NTM: variants seen among roughly 807,000 people sequenced by gnomAD.
NTM encodes neurotrimin, also known as IgLON family member 2.
NTM carries 13 observed loss-of-function variants against 42.1 expected under a neutral mutation model. The observed-to-expected ratio is 0.31, with a 90% CI of 0.20 to 0.49. NTM has a LOEUF of 0.49. NTM is among the 20% of genes least tolerant of loss of function. The pLI is 0.99. For synonymous variants in NTM, 187 were observed against 179.2 expected (o/e 1.04, Z -0.35); for missense variants, 373 against 452.8 (o/e 0.82, Z 1.60).
At chr11:132,174,992 C>T (rs1236021080) in intron 3 of NTM, among the ~76,000 whole-genome samples, 1 of 152,000 alleles carries the variant, frequency 6.6e-6, no homozygotes, top group African/African-American at 2.4e-5. Context: ...CTGTTCTGAA[C>T]CAGGGAACCC....
At chr11:131,597,022 G>C (rs1233392546) in intron 1 of NTM, among the ~76,000 whole-genome samples, 2 of 152,094 alleles carry the variant, frequency 1.3e-5, no homozygotes, top group Admixed American at 6.5e-5. Context: ...TTTCCTGCCT[G>C]CTTGTATTCT....
chr11:131,465,791 G>A (rs1170873733), intron 1 of NTM, among the ~76,000 whole-genome samples: 1 of 149,624 alleles, frequency 6.7e-6, no homozygotes, highest in Non-Finnish European at 1.5e-5. Flanking sequence ...GCTCGGTTCT[G>A]CAGGGCCATG....
chr11:131,907,445 T>A (rs1592734331), intron 1 of NTM, among the ~76,000 whole-genome samples: 1 of 152,342 alleles, frequency 6.6e-6, no homozygotes, highest in Non-Finnish European at 1.5e-5. Context: ...AGTCCCAGGA[T>A]TATTAAAGGG....
chr11:131,474,699 T>A (rs978850818), intron 1 of NTM, among the ~76,000 whole-genome samples: 12 of 152,162 alleles, frequency 7.9e-5, no homozygotes, highest in Admixed American at 3.9e-4. Flanking sequence ...GTCTTGAAAT[T>A]TTTATTTCAA....
intron 1 of NTM, among the ~76,000 whole-genome samples, chr11:131,628,619 T>C (rs2063352087): frequency 6.6e-6 from 1 of 152,166 alleles, no homozygotes. Flanking sequence ...TCTCTCATCC[T>C]CACTCCCAGT....
intron 1 of NTM, among the ~76,000 whole-genome samples, chr11:131,577,169 C>G (rs957420870): frequency 5.9e-5 from 9 of 152,130 alleles, no homozygotes; most frequent in Admixed American, 5.9e-4. Flanking sequence ...AATTGCATTT[C>G]CCTCATTAAC....
In NTM at chr11:132,142,637, A is replaced by G. The variant is rs76585324; in HGVS notation, c.168-3645A>G. On this transcript the variant is annotated intron_variant, in intron 2 of 8. Transcript: ENST00000683400. ...GTGATCCATCTCTGCAGAAGCCGGC[A>G]TTCATTCCGTGGGGATTCAGCAAGA... is the stretch of plus-strand genomic sequence containing the variant. Among the ~76,000 whole-genome samples, 709 of 152,290 alleles carry G rather than the reference A, an allele frequency of 4.7e-3. 8 individuals carry two copies. Among genetic ancestry groups the G allele is most frequent in the African/African-American group, 0.016 (681 of 41,556 alleles).
chr11:131,872,367 G>A (rs58646853), intron 1 of NTM, among the ~76,000 whole-genome samples: 5,817 of 152,244 alleles, frequency 0.038, 350 homozygotes, highest in African/African-American at 0.13. Flanking sequence ...ACTTAGATTC[G>A]TCGATTTCTC....
At chr11:131,405,401 G>A (rs1308376123) in intron 1 of NTM, among the ~76,000 whole-genome samples, 1 of 149,576 alleles carries the variant, frequency 6.7e-6, no homozygotes, top group Non-Finnish European at 1.5e-5. Context: ...CCCTAACTTA[G>A]TTAAGGGCAC....
At chr11:132,252,293 A>G (rs1351798368) in intron 4 of NTM, among the ~76,000 whole-genome samples, 1 of 151,790 alleles carries the variant, frequency 6.6e-6, no homozygotes, top group Non-Finnish European at 1.5e-5. Flanking sequence ...CTAACTTCTC[A>G]TTTGTTTCTG....
intron 1 of NTM, among the ~76,000 whole-genome samples, chr11:131,772,709 G>A (rs1359883933): frequency 6.6e-6 from 1 of 152,148 alleles, no homozygotes; most frequent in African/African-American, 2.4e-5. Context: ...CTGAACATAA[G>A]GACTCCTAAT....
intron 2 of NTM, among the ~76,000 whole-genome samples, chr11:132,026,215 T>C (rs2135584368): frequency 6.6e-6 from 1 of 152,344 alleles, no homozygotes; most frequent in Middle Eastern, 3.4e-3. Flanking sequence ...CCGATAATAT[T>C]CCTACTGCTA....
At chr11:132,176,684 T>C (rs1266548333) in intron 3 of NTM, among the ~76,000 whole-genome samples, 2 of 150,786 alleles carry the variant, frequency 1.3e-5, no homozygotes, top group Non-Finnish European at 3.0e-5. Flanking sequence ...GGAAGGATTT[T>C]AGCCTCTGTG....
At chr11:131,464,084 G>C (rs913182453) in intron 1 of NTM, among the ~76,000 whole-genome samples, 1 of 152,180 alleles carries the variant, frequency 6.6e-6, no homozygotes, top group African/African-American at 2.4e-5. Flanking sequence ...CCTCTCTCTG[G>C]AGATTGTGGA....
At chr11:132,320,129 C>T (rs1182781562) in intron 7 of NTM, among the ~76,000 whole-genome samples, 2 of 152,224 alleles carry the variant, frequency 1.3e-5, no homozygotes, top group African/African-American at 4.8e-5. Context: ...TCACCATCAT[C>T]AAAGACCAAA....
At chr11:131,632,459 TG>T (rs2063748271) in intron 1 of NTM, among the ~76,000 whole-genome samples, 1 of 152,146 alleles carries the variant, frequency 6.6e-6, no homozygotes, top group South Asian at 2.1e-4. Context: ...TTTACACCCA[TG>T]TTTTTTGTTA....
chr11:131,416,246 T>A (rs896777097), intron 1 of NTM, among the ~76,000 whole-genome samples: 1 of 152,140 alleles, frequency 6.6e-6, no homozygotes, highest in Non-Finnish European at 1.5e-5. Flanking sequence ...TATCTCAATA[T>A]TGTGTTCTTA....
At position 132,274,119 on chromosome 11, in the gene NTM, C is replaced by A. The variant is rs554450588; in HGVS notation, c.527-33570C>A. On this transcript the variant is annotated intron_variant, in intron 4 of 8. Coordinates refer to ENST00000683400, the MANE Select transcript of NTM (RefSeq NM_001352005.2). ...TATTTTAGTAATTTTACTTCTATTT[C>A]TTTTGTTTTTTTCTTTGTTCAGCCT... 2.6e-5 allele frequency among the ~76,000 whole-genome samples: 4 copies of A among 152,108 alleles called. No individual in the cohort carries two copies. In the East Asian group the frequency reaches 5.8e-4, roughly 22 times the overall value.
chr11:131,937,296 AATTT>A (rs750156319), intron 2 of NTM, among the ~76,000 whole-genome samples: 5 of 152,206 alleles, frequency 3.3e-5, no homozygotes, highest in Non-Finnish European at 7.3e-5. Context: ...TTGAATTAGT[AATTT>A]ATTCTAGCTC....
Sources: allele counts gnomAD v4.1 joint callset (sites outside exome capture counted in the v4.1 genomes callset), GRCh38; gene constraint gnomAD v4.1.1; transcripts MANE v1.5; gene names NCBI Gene and HGNC (gene_info 2026-07-23, HGNC 2026-07-21).